The following NVL variants were observed in gnomAD, a reference collection of about 807,000 sequenced individuals.
NVL encodes the protein nuclear valosin-containing protein-like.
In NVL, 84 loss-of-function variants were observed where a neutral mutation model predicts 110.2. The ratio of observed to expected loss-of-function variants is 0.76; its 90% CI spans 0.64 to 0.91. NVL has a LOEUF of 0.91. Among genes scored for constraint, NVL ranks in the 40% least tolerant of loss-of-function variants. The pLI, the probability that NVL is intolerant of heterozygous loss-of-function variation, is 0.00. For synonymous variants in NVL, 354 were observed against 361.1 expected (o/e 0.98, Z 0.22); for missense variants, 882 against 1,035.9 (o/e 0.85, Z 2.04).
chr1:224,280,739 T>A (rs951987792), intron 16 of NVL, among the ~76,000 whole-genome samples: 2 of 152,214 alleles, frequency 1.3e-5, no homozygotes, highest in African/African-American at 4.8e-5. Flanking sequence ...ATAATAAGTT[T>A]CTTAAATGCA....
intron 5 of NVL, among the ~76,000 whole-genome samples, chr1:224,310,584 G>T (rs1669415808): frequency 6.6e-6 from 1 of 152,140 alleles, no homozygotes; most frequent in Non-Finnish European, 1.5e-5. Context: ...ATACTGGAAG[G>T]ATGGTTAATC....
chr1:224,258,112 T>C (rs1397963862), intron 18 of NVL, among the ~76,000 whole-genome samples: 1 of 152,158 alleles, frequency 6.6e-6, no homozygotes, highest in African/African-American at 2.4e-5. Context: ...AAAAAGTGAA[T>C]AGACAACCCA....
At chr1:224,312,995 A>C (rs2102745033) in intron 4 of NVL, 1 of 244,376 alleles carries the variant, frequency 4.1e-6, no homozygotes, top group East Asian at 1.2e-4. Context: ...CTGTCTCTAC[A>C]AAAAAATTAA....
At chr1:224,328,494 T>C (rs1671365681) in intron 1 of NVL, among the ~76,000 whole-genome samples, 1 of 151,014 alleles carries the variant, frequency 6.6e-6, no homozygotes, top group African/African-American at 2.4e-5. Flanking sequence ...ATTAGATGTC[T>C]CTGGCTGCTC....
intron 22 of NVL, among the ~76,000 whole-genome samples, chr1:224,228,465 C>T (rs1016937222): frequency 2.6e-5 from 4 of 151,550 alleles, no homozygotes; most frequent in African/African-American, 7.3e-5. Context: ...CCACTACGCC[C>T]GGCAAATTTT....
At chr1:224,245,693 C>T (rs1481939627) in intron 19 of NVL, among the ~76,000 whole-genome samples, 1 of 151,958 alleles carries the variant, frequency 6.6e-6, no homozygotes, top group Non-Finnish European at 1.5e-5. Flanking sequence ...TGGTGGCTCA[C>T]ACCTGTAATC....
Position 224,227,546 on chromosome 1 carries a change from GA to G in NVL, c.*79del. 7.6e-7 allele frequency: 1 copy of G among 1,314,854 alleles called. No homozygotes were observed. The highest frequency in any genetic ancestry group is 1.1e-6 in the Non-Finnish European group (1 of 938,360). The allele number at this position is 1,314,854 out of a possible 1,614,324, so 81.4% of individuals were successfully genotyped here. On this transcript the variant is annotated 3_prime_UTR_variant, in exon 23 of 23. Coordinates refer to ENST00000281701, the MANE Select transcript of NVL (RefSeq NM_002533.4). ...CATGAGGCCGCGCCTGTGTCCAGCT[GA>G]AAGTGGGTCCTTCAGAGCGTGTGGG...
chr1:224,231,020 C>T (rs1327502419), intron 22 of NVL, among the ~76,000 whole-genome samples: 1 of 151,634 alleles, frequency 6.6e-6, no homozygotes, highest in African/African-American at 2.4e-5. Context: ...GTAGTCCCAG[C>T]TACTTGGGAG....
At chr1:224,241,020 A>T (rs1661139545) in intron 19 of NVL, among the ~76,000 whole-genome samples, 3 of 151,812 alleles carry the variant, frequency 2.0e-5, no homozygotes, top group African/African-American at 7.3e-5. Flanking sequence ...CAAACTCCTG[A>T]CCTGGTGATC....
At chr1:224,259,530 AT>A (rs1663712465) in intron 18 of NVL, among the ~76,000 whole-genome samples, 1 of 152,246 alleles carries the variant, frequency 6.6e-6, no homozygotes, top group Non-Finnish European at 1.5e-5. Context: ...TTTTAAAAAA[AT>A]GAATCCTCAG....
chr1:224,252,812 C>G (rs1005020398), intron 18 of NVL, among the ~76,000 whole-genome samples: 16 of 152,208 alleles, frequency 1.1e-4, no homozygotes, highest in African/African-American at 3.6e-4. Flanking sequence ...CCTTTGCACT[C>G]TTAAAAATTA....
At chr1:224,245,476 T>C (rs1380559385) in intron 19 of NVL, among the ~76,000 whole-genome samples, 1 of 152,184 alleles carries the variant, frequency 6.6e-6, no homozygotes, top group Non-Finnish European at 1.5e-5. Context: ...GGAGGCTGCA[T>C]GTGGGTCCTG....
chr1:224,242,982 C>T (rs1661378558), intron 19 of NVL, among the ~76,000 whole-genome samples: 1 of 151,526 alleles, frequency 6.6e-6, no homozygotes, highest in Non-Finnish European at 1.5e-5. Flanking sequence ...TGTGCCACCG[C>T]ACCCAGCTAC....
intron 21 of NVL, among the ~76,000 whole-genome samples, chr1:224,232,598 A>C (rs1660024076): frequency 6.6e-6 from 1 of 152,012 alleles, no homozygotes; most frequent in Non-Finnish European, 1.5e-5. Flanking sequence ...GGGCTCAAGC[A>C]ATCCTCCTGC....
At chr1:224,245,695 C>A (rs917880462) in intron 19 of NVL, among the ~76,000 whole-genome samples, 2 of 152,052 alleles carry the variant, frequency 1.3e-5, no homozygotes, top group Non-Finnish European at 2.9e-5. Flanking sequence ...GTGGCTCACA[C>A]CTGTAATCCC....
rs1670237205 is a variant in NVL, at chr1:224,317,784, A to T, written c.194T>A (p.Ile65Lys). The change falls in exon 4 of 23, where the codon ATA becomes AAA. Residue 65 changes from isoleucine (I) to lysine (K), a missense_variant. By Grantham distance (102) the Ile-to-Lys change is moderately radical. This residue lies in a region of NVL where 274 missense variants were observed against 268.4 expected (regional missense o/e 1.02). Transcript: ENST00000281701. ...FRIQVEKVFS[I>K]ISSEKELKNL... ...CTTAAGTTCCTTCTCACTACTAATT[A>T]TGCTAAATACTGAAACAAAAAGAAA... is the stretch of plus-strand genomic sequence containing the variant. 6.3e-7 allele frequency: 1 copy of T among 1,596,358 alleles called. No individual in the cohort carries two copies. Among genetic ancestry groups the T allele is most frequent in the Non-Finnish European group, 8.6e-7 (1 of 1,164,974 alleles).
chr1:224,277,122 C>T (rs1231341479), intron 16 of NVL, among the ~76,000 whole-genome samples: 2 of 151,904 alleles, frequency 1.3e-5, no homozygotes, highest in South Asian at 4.2e-4. Context: ...TATTACAAAG[C>T]CCTTGGAAAG....
intron 1 of NVL, among the ~76,000 whole-genome samples, chr1:224,327,905 T>C (rs751843879): frequency 3.3e-5 from 5 of 151,868 alleles, no homozygotes; most frequent in Middle Eastern, 3.4e-3. Flanking sequence ...AAAGGTCCTG[T>C]GCTTGGCATG....
At chr1:224,232,166 G>C (rs1017448386) in intron 21 of NVL, 1 of 151,600 alleles carries the variant, frequency 6.6e-6, no homozygotes, top group Non-Finnish European at 1.5e-5. Context: ...GGCTAACATG[G>C]TGAAACCCCG....
Sources: gnomAD v4.1 joint callset for allele counts (sites outside exome capture counted in the v4.1 genomes callset) on GRCh38, gnomAD v4.1.1 for gene constraint, gnomAD v4.1.1 regional missense constraint, MANE v1.5 for transcripts, NCBI Gene and HGNC (gene_info 2026-07-23, HGNC 2026-07-21) for gene names.